Variants in AUTS2 observed in about 807,000 individuals in gnomAD.
AUTS2 encodes the protein autism susceptibility gene 2 protein.
Under a neutral mutation model 112.4 loss-of-function variants are expected in AUTS2, and 17 were observed. The observed-to-expected ratio is 0.15, with a 90% CI of 0.10 to 0.23. The LOEUF (loss-of-function observed/expected upper bound fraction) is 0.23. Ranked by LOEUF, AUTS2 falls within the 10% of genes least tolerant of loss-of-function variation. The pLI, the probability that AUTS2 is intolerant of heterozygous loss-of-function variation, is 1.00. For synonymous variants in AUTS2, 751 were observed against 702.7 expected, an observed-to-expected ratio of 1.07 and a Z score of -1.09; for missense variants, 1,510 against 1,701.6, an observed-to-expected ratio of 0.89 and a Z score of 1.98.
chr7:69,850,300 A>T (rs1046053039), intron 1 of AUTS2, among the ~76,000 whole-genome samples: 3 of 148,858 alleles, frequency 2.0e-5, no homozygotes, highest in African/African-American at 7.5e-5. Flanking sequence ...GTCTCAAAAA[A>T]ACAAAAACAA....
At chr7:70,581,820 AGT>A (rs1259382701) in intron 5 of AUTS2, among the ~76,000 whole-genome samples, 4 of 152,166 alleles carry the variant, frequency 2.6e-5, no homozygotes, top group African/African-American at 9.7e-5. Flanking sequence ...AATGTGGTGT[AGT>A]TGACTTGTTT....
At chr7:70,158,996 A>G (rs906917848) in intron 4 of AUTS2, among the ~76,000 whole-genome samples, 3 of 152,150 alleles carry the variant, frequency 2.0e-5, no homozygotes, top group Non-Finnish European at 4.4e-5. Context: ...ACTTTCAGGA[A>G]ACTCTTGATA....
intron 6 of AUTS2, among the ~76,000 whole-genome samples, chr7:70,712,295 A>G (rs1585553323): frequency 1.6e-5 from 2 of 123,248 alleles, no homozygotes; most frequent in African/African-American, 6.4e-5. Context: ...TGAACCGCCC[A>G]CCTCAGCCTC....
At chr7:70,437,886 G>A (rs1164046433) in intron 5 of AUTS2, 1 of 150,492 alleles carries the variant, frequency 6.6e-6, no homozygotes, top group Non-Finnish European at 1.5e-5. Context: ...ACCATCACCA[G>A]TCTTCAGCAG....
At chr7:69,714,664 C>T (rs1349133139) in intron 1 of AUTS2, among the ~76,000 whole-genome samples, 1 of 152,124 alleles carries the variant, frequency 6.6e-6, no homozygotes, top group Non-Finnish European at 1.5e-5. Context: ...TGCTGTTTTT[C>T]ATCCTTCTTT....
rs1563206816 is a variant in AUTS2, at chr7:70,792,075, A to C, written c.*1079A>C. On this transcript the variant is annotated 3_prime_UTR_variant, in exon 19 of 19. Transcript: ENST00000342771. ...CAAACAGATCCTGAAAGAAAGCTTC[A>C]AGTTTTCTCAGATGATGGATATGTT... is the stretch of plus-strand genomic sequence containing the variant. 1 of 152,648 alleles carries C rather than the reference A, an allele frequency of 6.6e-6. No homozygotes were observed. The highest frequency in any genetic ancestry group is 1.5e-5 in the Non-Finnish European group (1 of 68,036). The allele number at this position is 152,648 out of a possible 1,614,324, so 9.5% of individuals were successfully genotyped here.
At chr7:70,263,170 T>C (rs907487784) in intron 4 of AUTS2, among the ~76,000 whole-genome samples, 3 of 152,148 alleles carry the variant, frequency 2.0e-5, no homozygotes, top group Non-Finnish European at 2.9e-5. Context: ...CCTAAAACGA[T>C]TGTCTATCAG....
At chr7:69,746,925 C>T (rs912304877) in intron 1 of AUTS2, among the ~76,000 whole-genome samples, 1 of 152,100 alleles carries the variant, frequency 6.6e-6, no homozygotes, top group Non-Finnish European at 1.5e-5. Context: ...TTGGATGCTG[C>T]CTGCCTAAGG....
At chr7:70,768,270 T>G (rs1033606673) in intron 10 of AUTS2, among the ~76,000 whole-genome samples, 2 of 152,238 alleles carry the variant, frequency 1.3e-5, no homozygotes, top group Non-Finnish European at 2.9e-5. Context: ...CAAAAGATCA[T>G]AAGCATTCCA....
At chr7:70,670,724 C>G (rs1807591885) in intron 5 of AUTS2, among the ~76,000 whole-genome samples, 1 of 152,172 alleles carries the variant, frequency 6.6e-6, no homozygotes, top group Non-Finnish European at 1.5e-5. Flanking sequence ...CACAGTTGCC[C>G]TTAGGATAAA....
intron 5 of AUTS2, among the ~76,000 whole-genome samples, chr7:70,578,213 C>G (rs984847305): frequency 7.9e-5 from 12 of 152,188 alleles, no homozygotes; most frequent in Admixed American, 5.2e-4. Flanking sequence ...AAAGTTAGAG[C>G]TAAAAGGGAC....
chr7:69,699,661 T>TC lies in AUTS2; in HGVS notation c.309+99702dup, dbSNP rs1161656668. On this transcript the variant is annotated intron_variant, in intron 1 of 18. Coordinates refer to ENST00000342771, the MANE Select transcript of AUTS2 (RefSeq NM_015570.4). ...AATGTTTTTTTTTTTTTTTTTTTTT[T>TC]CCCGAGACAGAATCTCACTCTTGCC... Among the ~76,000 whole-genome samples the TC allele has an allele frequency of 7.4e-4, 109 of 147,216 alleles. 2 individuals carry two copies. Among genetic ancestry groups the TC allele is most frequent in the East Asian group, 4.9e-3 (24 of 4,912 alleles).
intron 1 of AUTS2, among the ~76,000 whole-genome samples, chr7:69,648,312 A>G (rs2129129044): frequency 6.6e-6 from 1 of 152,234 alleles, no homozygotes. Context: ...TGTACTCATC[A>G]CCCTGCTTAA....
intron 1 of AUTS2, among the ~76,000 whole-genome samples, chr7:69,817,975 A>C (rs903675589): frequency 6.6e-6 from 1 of 152,220 alleles, no homozygotes; most frequent in African/African-American, 2.4e-5. Context: ...GTGAGCTGCA[A>C]CCTAGCTGCA....
chr7:69,989,970 C>G (rs1489628950), intron 2 of AUTS2, among the ~76,000 whole-genome samples: 1 of 152,178 alleles, frequency 6.6e-6, no homozygotes, highest in East Asian at 1.9e-4. Context: ...AGGTGCATCC[C>G]AACACCATCG....
At position 70,766,097 on chromosome 7, in the gene AUTS2, C is replaced by T. The variant is rs750299001; in HGVS notation, c.1469-17C>T. ...TGAAGGAAAAGGCGTCATCGTCTCC[C>T]TCTTCTTCTCTTCCAGAGCAAGACA... On this transcript the variant is annotated splice_polypyrimidine_tract_variant and intron_variant, in intron 8 of 18. Coordinates refer to ENST00000342771, the MANE Select transcript of AUTS2 (RefSeq NM_015570.4). This position sits in a 1 kb window ranked among gnomAD's most constrained non-coding sequence, Gnocchi z 4.8. 1 of 1,608,822 alleles carries T rather than the reference C, an allele frequency of 6.2e-7. No homozygotes were observed. The highest frequency in any genetic ancestry group is 8.5e-7 in the Non-Finnish European group (1 of 1,175,840).
intron 2 of AUTS2, among the ~76,000 whole-genome samples, chr7:69,949,304 T>C (rs1396404347): frequency 1.3e-5 from 2 of 152,214 alleles, no homozygotes; most frequent in African/African-American, 4.8e-5. Flanking sequence ...TCAGCAGTAA[T>C]GAAACATATA....
At chr7:70,020,015 G>A (rs548428166) in intron 2 of AUTS2, among the ~76,000 whole-genome samples, 1 of 152,226 alleles carries the variant, frequency 6.6e-6, no homozygotes, top group Non-Finnish European at 1.5e-5. Context: ...AAGATAGATA[G>A]GGGAGAAAGG....
intron 2 of AUTS2, among the ~76,000 whole-genome samples, chr7:69,925,661 A>G (rs1490669541): frequency 6.6e-6 from 1 of 152,152 alleles, no homozygotes; most frequent in Admixed American, 6.5e-5. Flanking sequence ...CCTGGTTTCA[A>G]GTGATCCTCT....
Sources: gnomAD v4.1 joint callset for allele counts (sites outside exome capture counted in the v4.1 genomes callset) on GRCh38, gnomAD v4.1.1 for gene constraint, Gnocchi (gnomAD v3.1) non-coding constraint, MANE v1.5 for transcripts, NCBI Gene and HGNC (gene_info 2026-07-23, HGNC 2026-07-21) for gene names.